The following GNAQ variants were observed in gnomAD, a reference collection of about 807,000 sequenced individuals.
GNAQ encodes guanine nucleotide-binding protein G(q) subunit alpha.
In GNAQ, 8 loss-of-function variants were observed where a neutral mutation model predicts 43.9. That is an observed-to-expected ratio of 0.18 (90% confidence interval 0.11 to 0.33). The LOEUF is 0.33. Ranked by LOEUF, GNAQ falls within the 10% of genes least tolerant of loss-of-function variation. The pLI is 1.00. For missense variants in GNAQ, 158 were observed against 450.8 expected (o/e 0.35, Z 5.88); for synonymous variants, 155 against 170.7 (o/e 0.91, Z 0.71).
intron 2 of GNAQ, among the ~76,000 whole-genome samples, chr9:77,873,324 C>T (rs933900533): frequency 1.3e-5 from 2 of 152,130 alleles, no homozygotes; most frequent in African/African-American, 4.8e-5. Flanking sequence ...ATTTTTTAGG[C>T]TTAACTTTAC....
intron 1 of GNAQ, among the ~76,000 whole-genome samples, chr9:77,991,945 C>T (rs570215770): frequency 1.6e-3 from 237 of 152,306 alleles, no homozygotes; most frequent in African/African-American, 5.4e-3. Flanking sequence ...ATATATGCCA[C>T]ATTTTCTTTA....
At chr9:77,994,945 G>C (rs185548540) in intron 1 of GNAQ, among the ~76,000 whole-genome samples, 23 of 152,196 alleles carry the variant, frequency 1.5e-4, no homozygotes, top group Non-Finnish European at 7.4e-5. Context: ...GTGTCACTTG[G>C]GTTGGTAAGC....
intron 2 of GNAQ, among the ~76,000 whole-genome samples, chr9:77,837,442 T>C (rs994151286): frequency 1.3e-5 from 2 of 152,092 alleles, no homozygotes; most frequent in African/African-American, 4.8e-5. Context: ...TAATCCCAGC[T>C]ACTCGGGTGG....
intron 1 of GNAQ, among the ~76,000 whole-genome samples, chr9:77,946,090 G>A (rs957046851): frequency 5.9e-5 from 9 of 152,146 alleles, no homozygotes; most frequent in African/African-American, 2.2e-4. Context: ...GTTAACTGAC[G>A]CAGAGGAGAG....
At chr9:77,922,422 C>T in intron 1 of GNAQ, 77 bp from the exon 2 acceptor site, 1 of 1,020,864 alleles carries the variant, frequency 9.8e-7, no homozygotes, top group Non-Finnish European at 1.5e-6. Flanking sequence ...AAATACCATG[C>T]CTTGGATTTA....
At chr9:77,941,914 AC>A (rs1829320388) in intron 1 of GNAQ, among the ~76,000 whole-genome samples, 1 of 139,838 alleles carries the variant, frequency 7.2e-6, no homozygotes, top group Non-Finnish European at 1.5e-5. Context: ...ACATACACAC[AC>A]ACACACACAC....
At chr9:77,883,238 C>T (rs1336484019) in intron 2 of GNAQ, among the ~76,000 whole-genome samples, 2 of 152,162 alleles carry the variant, frequency 1.3e-5, no homozygotes, top group African/African-American at 4.8e-5. Context: ...TCCAGTGTGT[C>T]CCCAGCTAGC....
intron 1 of GNAQ, among the ~76,000 whole-genome samples, chr9:77,964,192 G>A (rs1823138963): frequency 6.6e-6 from 1 of 152,020 alleles, no homozygotes; most frequent in South Asian, 2.1e-4. Flanking sequence ...ATTTCATAAT[G>A]ATAAACCGGT....
At chr9:77,863,246 G>GGA (rs1827889868) in intron 2 of GNAQ, among the ~76,000 whole-genome samples, 1 of 151,130 alleles carries the variant, frequency 6.6e-6, no homozygotes, top group African/African-American at 2.4e-5. Flanking sequence ...AAGGAAGGAA[G>GGA]AGAAAGAAGG....
At chr9:77,876,876 C>T (rs1221982917) in intron 2 of GNAQ, among the ~76,000 whole-genome samples, 3 of 152,148 alleles carry the variant, frequency 2.0e-5, no homozygotes, top group Non-Finnish European at 2.9e-5. Context: ...ATAGTCTCAA[C>T]TTGACTTTCT....
intron 1 of GNAQ, among the ~76,000 whole-genome samples, chr9:78,022,316 A>G (rs1823920992): frequency 6.6e-6 from 1 of 152,160 alleles, no homozygotes; most frequent in African/African-American, 2.4e-5. Context: ...CAAAGTTCAA[A>G]TGGTCCTTAG....
intron 1 of GNAQ, among the ~76,000 whole-genome samples, chr9:78,018,639 C>T (rs1056907889): frequency 6.6e-6 from 1 of 152,024 alleles, no homozygotes; most frequent in African/African-American, 2.4e-5. Flanking sequence ...CAAACTTGGA[C>T]TGTCTATTAA....
chr9:77,830,394 G>T (rs113052113), intron 2 of GNAQ, among the ~76,000 whole-genome samples: 1 of 152,154 alleles, frequency 6.6e-6, no homozygotes, highest in Non-Finnish European at 1.5e-5. Flanking sequence ...GACAAAGATA[G>T]TAAGTTTTGT....
At chr9:77,778,942 G>C (rs770925830) in intron 5 of GNAQ, among the ~76,000 whole-genome samples, 7 of 151,854 alleles carry the variant, frequency 4.6e-5, no homozygotes, top group Non-Finnish European at 8.9e-5. Flanking sequence ...AAAACTGATA[G>C]AAGGAAAACA....
chr9:78,030,427 C>T (rs1034039372), intron 1 of GNAQ: 3 of 448,806 alleles, frequency 6.7e-6, no homozygotes, highest in Non-Finnish European at 1.4e-5. Flanking sequence ...GAGAACAGCA[C>T]TTGTGTGACA....
At chr9:77,795,485 T>C (rs1472886719) in intron 4 of GNAQ, among the ~76,000 whole-genome samples, 1 of 152,184 alleles carries the variant, frequency 6.6e-6, no homozygotes, top group African/African-American at 2.4e-5. Context: ...GCGGTTTAGG[T>C]ACAAAAATTT....
intron 5 of GNAQ, among the ~76,000 whole-genome samples, chr9:77,783,562 TG>T (rs1826430543): frequency 6.6e-6 from 1 of 152,198 alleles, no homozygotes; most frequent in South Asian, 2.1e-4. Flanking sequence ...TTCAAGTCAC[TG>T]CCTGCCTGTG....
At chr9:77,784,918 C>G (rs1264510474) in intron 5 of GNAQ, among the ~76,000 whole-genome samples, 1 of 152,170 alleles carries the variant, frequency 6.6e-6, no homozygotes, top group African/African-American at 2.4e-5. Context: ...ACCTGAATGT[C>G]TGAAATTTAA....
intron 5 of GNAQ, among the ~76,000 whole-genome samples, chr9:77,787,254 A>C (rs1316786235): frequency 6.6e-6 from 1 of 152,194 alleles, no homozygotes; most frequent in South Asian, 2.1e-4. Context: ...CGGGGAGGGG[A>C]AAAAACTAAC....
Sources: allele counts gnomAD v4.1 joint callset (sites outside exome capture counted in the v4.1 genomes callset), GRCh38; gene constraint gnomAD v4.1.1; transcripts MANE v1.5; gene names NCBI Gene and HGNC (gene_info 2026-07-23, HGNC 2026-07-21).